Variants in CRYBA4 observed in about 807,000 individuals in gnomAD.
CRYBA4 encodes beta-crystallin A4.
Under a neutral mutation model 31.7 loss-of-function variants are expected in CRYBA4, and 30 were observed. That is an observed-to-expected ratio of 0.95 (90% CI 0.71 to 1.28). The LOEUF (loss-of-function observed/expected upper bound fraction) is 1.28. Ranked by LOEUF, CRYBA4 falls within the 50% of genes most tolerant of loss-of-function variation. The probability of loss-of-function intolerance (pLI) is 0.00; values close to 1 mark genes in which losing one functional copy is unlikely to be tolerated. For synonymous variants in CRYBA4, 102 were observed against 102.3 expected, an observed-to-expected ratio of 1.00 and a Z score of 0.02; for missense variants, 225 against 260.7, an observed-to-expected ratio of 0.86 and a Z score of 0.94.
At position 26,630,386 on chromosome 22, in the gene CRYBA4, C is replaced by G; in HGVS notation, c.490C>G (p.Leu164Val). The G allele has an allele frequency of 1.2e-6, 2 of 1,614,244 alleles. No homozygotes were observed. The highest frequency in any genetic ancestry group is 1.3e-5 in the African/African-American group (1 of 75,088). ...GGGCTACCGAGGATTTCAGTATGTGCTGGAATGCGATCACCATTCCGGTGA... is the reference window on the plus strand; with the variant it reads ...GGGCTACCGAGGATTTCAGTATGTGGTGGAATGCGATCACCATTCCGGTGA... ...FPGYRGFQYV[L>V]ECDHHSGDYK... Residue 164 changes from leucine (L) to valine (V), a missense_variant, in exon 6 of 6, where the codon CTG (leucine) becomes GTG (valine). Leu to Val is a conservative substitution (Grantham distance 32). Transcript: ENST00000354760.
At chr22:26,609,716 TAAG>T in the CRYBA4 span, among the ~76,000 whole-genome samples, 28 of 152,004 alleles carry the variant, frequency 1.8e-4, no homozygotes, top group Non-Finnish European at 3.4e-4. Flanking sequence ...CATGGGTGAA[TAAG>T]AAGGGAGCCT....
the CRYBA4 span, among the ~76,000 whole-genome samples, chr22:26,603,265 C>A: frequency 6.6e-6 from 1 of 152,042 alleles, no homozygotes; most frequent in Non-Finnish European, 1.5e-5. Flanking sequence ...CATGGTGGCT[C>A]ACATCTGTAA....
chr22:26,625,369 C>A, intron 3 of CRYBA4, 112 bp from the exon 4 acceptor site: 3 of 1,255,736 alleles, frequency 2.4e-6, no homozygotes, highest in Non-Finnish European at 3.4e-6. Context: ...TTCCTGGGGG[C>A]ACAGTCACCC....
upstream of CRYBA4, among the ~76,000 whole-genome samples, chr22:26,621,507 G>A (rs147429807): frequency 1.2e-3 from 182 of 152,304 alleles, 1 homozygote; most frequent in East Asian, 0.015. Flanking sequence ...GAAGAGAAAG[G>A]GGAAAGAGAG....
chr22:26,609,481 G>C, the CRYBA4 span, among the ~76,000 whole-genome samples: 1 of 152,096 alleles, frequency 6.6e-6, no homozygotes, highest in African/African-American at 2.4e-5. Context: ...TGGATGCATG[G>C]ATAAAGGGAT....
chr22:26,628,484 G>A (rs749654456), intron 5 of CRYBA4, 54 bp downstream of exon 5: 36 of 1,601,270 alleles, frequency 2.2e-5, no homozygotes, highest in Non-Finnish European at 3.1e-5. Flanking sequence ...GGAGGGGTAG[G>A]TGTACCTCCT....
At chr22:26,608,358 A>G in the CRYBA4 span, among the ~76,000 whole-genome samples, 3 of 152,230 alleles carry the variant, frequency 2.0e-5, no homozygotes, top group African/African-American at 7.2e-5. Context: ...TTCAAGTACT[A>G]TCAGGACTTG....
At chr22:26,615,768 C>T in the CRYBA4 span, among the ~76,000 whole-genome samples, 1 of 152,162 alleles carries the variant, frequency 6.6e-6, no homozygotes, top group Non-Finnish European at 1.5e-5. Flanking sequence ...CCTGCCTCGG[C>T]CTCCCAAAGT....
chr22:26,626,949 G>A (rs886385018), intron 4 of CRYBA4, among the ~76,000 whole-genome samples: 5 of 152,244 alleles, frequency 3.3e-5, no homozygotes, highest in South Asian at 4.1e-4. Flanking sequence ...CAAATGTGTC[G>A]CAATCATCAG....
the CRYBA4 span, among the ~76,000 whole-genome samples, chr22:26,601,700 A>T: frequency 3.8e-4 from 57 of 148,690 alleles, no homozygotes; most frequent in African/African-American, 1.4e-3. Context: ...TCAAAGTGTG[A>T]CTCTATTCCC....
At chr22:26,615,536 T>G in the CRYBA4 span, among the ~76,000 whole-genome samples, 1 of 151,470 alleles carries the variant, frequency 6.6e-6, no homozygotes, top group African/African-American at 2.4e-5. Flanking sequence ...TTTTTTTTGA[T>G]GGAGTCTCCC....
rs770441799 is a variant in CRYBA4 at position 26,630,394 on chromosome 22, C to A, written c.498C>A (p.Cys166Ter). The change falls in exon 6 of 6, where the codon TGC becomes TGA. Residue 166 changes from cysteine to a stop codon, truncating the protein, a stop_gained. Transcript: ENST00000354760. LOFTEE classifies it high-confidence loss of function. The part of the protein sequence containing the change: ...GYRGFQYVLE[C>*]DHHSGDYKHF... ...GAGGATTTCAGTATGTGCTGGAATG[C>A]GATCACCATTCCGGTGACTACAAAC... 6.2e-7 allele frequency: 1 copy of A among 1,614,178 alleles called. No individual in the cohort carries two copies. Among genetic ancestry groups the A allele is most frequent in the South Asian group, 1.1e-5 (1 of 91,056 alleles).
chr22:26,629,085 G>A (rs1929840463), intron 5 of CRYBA4, among the ~76,000 whole-genome samples: 1 of 152,136 alleles, frequency 6.6e-6, no homozygotes, highest in Admixed American at 6.5e-5. Context: ...CCTGCTCAAA[G>A]TCCATCAGCA....
the CRYBA4 span, among the ~76,000 whole-genome samples, chr22:26,592,330 A>G: frequency 1.3e-5 from 2 of 152,264 alleles, no homozygotes; most frequent in African/African-American, 4.8e-5. Flanking sequence ...AGCAGCTAAC[A>G]GGGGGACAAA....
chr22:26,616,148 TC>T, the CRYBA4 span: 2 of 1,614,060 alleles, frequency 1.2e-6, no homozygotes, highest in Middle Eastern at 3.3e-4. Context: ...ACCCTGTAGT[TC>T]CCAGGAGGCA....
chr22:26,596,622 C>G, the CRYBA4 span: 1 of 152,152 alleles, frequency 6.6e-6, no homozygotes, highest in Non-Finnish European at 1.5e-5. Context: ...CATAGTGCAT[C>G]TTACCAACAA....
chr22:26,603,138 A>AAAC, the CRYBA4 span, among the ~76,000 whole-genome samples: 1 of 148,754 alleles, frequency 6.7e-6, no homozygotes. Context: ...AAAAAAAAAA[A>AAAC]AAAAAACAAA....
the CRYBA4 span, among the ~76,000 whole-genome samples, chr22:26,609,931 C>T: frequency 6.6e-6 from 1 of 152,104 alleles, no homozygotes; most frequent in Non-Finnish European, 1.5e-5. Context: ...AGAGGGAATG[C>T]ATGGAACAGA....
At position 26,623,292 on chromosome 22, in the gene CRYBA4, G is replaced by A. The variant is rs758467634; in HGVS notation, c.98G>A (p.Cys33Tyr). ...CGGCGGCACGAGTTCACGGCCGAGT[G>A]CCCCAGCGTGCTGGAGCTTGGCTTC... ...QGRRHEFTAE[C>Y]PSVLELGFET... Residue 33 changes from cysteine (C) to tyrosine (Y), a missense_variant, in exon 3 of 6, where the codon TGC becomes TAC. By Grantham distance (194) the Cys-to-Tyr change is radical. Coordinates refer to ENST00000354760, the MANE Select transcript of CRYBA4 (RefSeq NM_001886.3). The A allele has an allele frequency of 1.2e-6, 2 of 1,614,060 alleles. No individual in the cohort carries two copies. The highest frequency in any genetic ancestry group is 2.2e-5 in the East Asian group (1 of 44,878).
Sources: allele counts gnomAD v4.1 joint callset (sites outside exome capture counted in the v4.1 genomes callset), GRCh38; gene constraint gnomAD v4.1.1; transcripts MANE v1.5; gene names NCBI Gene and HGNC (gene_info 2026-07-23, HGNC 2026-07-21).